Variants in PRICKLE1 observed in about 807,000 individuals in gnomAD.
PRICKLE1 encodes the protein prickle-like protein 1.
A neutral mutation model predicts 70.2 loss-of-function variants in PRICKLE1; 14 were observed. That is an observed-to-expected ratio of 0.20 (90% CI 0.13 to 0.31). The LOEUF (loss-of-function observed/expected upper bound fraction) is 0.31, where lower values mean the gene tolerates loss of function less well. PRICKLE1 is among the 10% of genes least tolerant of loss of function. PRICKLE1 has a pLI of 1.00. For synonymous variants in PRICKLE1, 357 were observed against 379.9 expected (o/e 0.94, Z 0.70); for missense variants, 821 against 1,026.2 (o/e 0.80, Z 2.73).
chr12:42,540,269 A>G (rs571044909), intron 1 of PRICKLE1, among the ~76,000 whole-genome samples: 32 of 152,352 alleles, frequency 2.1e-4, no homozygotes, highest in African/African-American at 6.7e-4. Flanking sequence ...TGATAGAAAG[A>G]TGGCTGCAGT....
intron 1 of PRICKLE1, among the ~76,000 whole-genome samples, chr12:42,560,027 GA>G (rs1940481680): frequency 6.6e-6 from 1 of 151,364 alleles, no homozygotes; most frequent in Non-Finnish European, 1.5e-5. Context: ...GGAAGGAAAA[GA>G]ACAGGAACCA....
At chr12:42,480,698 T>A (rs1938761777) in intron 1 of PRICKLE1, among the ~76,000 whole-genome samples, 1 of 152,218 alleles carries the variant, frequency 6.6e-6, no homozygotes, top group African/African-American at 2.4e-5. Context: ...TGTAAAGAGC[T>A]TAATAAGTCA....
chr12:42,567,492 T>C (rs2120735250), intron 1 of PRICKLE1, among the ~76,000 whole-genome samples: 1 of 152,308 alleles, frequency 6.6e-6, no homozygotes, highest in South Asian at 2.1e-4. Context: ...ATCTGTAGTA[T>C]AGGAGCAAAG....
chr12:42,469,575 G>C lies in PRICKLE1; in HGVS notation c.259C>G (p.Gln87Glu). ...TTTTTCTCCTCTTCACTCAAAGACT[G>C]GCAATACCGTACCTTCACAGAAAGC... ...PPHDNEVRYC[Q>E]SLSEEEKKEL... Residue 87 changes from glutamine to glutamate, a missense_variant, in exon 4 of 8, where the codon CAG (glutamine) becomes GAG (glutamate). Transcript: ENST00000345127. 6.2e-7 allele frequency: 1 copy of C among 1,614,028 alleles called. No homozygotes were observed. The highest frequency in any genetic ancestry group is 1.1e-5 in the South Asian group (1 of 91,076).
rs1937968804 is a variant in PRICKLE1 at position 42,464,010 on chromosome 12, C to A, written c.1639+385G>T. ...ATCCATGGTTTTGAATAACACACAA[C>A]TCCTACTCATGCTGAATTGCAATTT... On this transcript the variant is annotated intron_variant, in intron 7 of 7. Coordinates refer to ENST00000345127, the MANE Select transcript of PRICKLE1 (RefSeq NM_153026.3). The surrounding 1 kb of genome is among the most constrained non-coding windows in gnomAD (Gnocchi z 4.2). 6.6e-6 allele frequency among the ~76,000 whole-genome samples: 1 copy of A among 152,128 alleles called. No homozygotes were observed. The highest frequency in any genetic ancestry group is 2.1e-4 in the South Asian group (1 of 4,832).
chr12:42,477,482 G>GTGTGTATA (rs1350601331), intron 1 of PRICKLE1, among the ~76,000 whole-genome samples: 1 of 116,384 alleles, frequency 8.6e-6, no homozygotes, highest in Non-Finnish European at 1.8e-5. Context: ...GTGTGTGTGT[G>GTGTGTATA]TATATATATA....
intron 1 of PRICKLE1, among the ~76,000 whole-genome samples, chr12:42,534,509 A>G (rs1221996126): frequency 6.6e-6 from 1 of 152,232 alleles, no homozygotes; most frequent in South Asian, 2.1e-4. Flanking sequence ...GGTAAAATGC[A>G]TTAAGCACTT....
At chr12:42,559,135 T>C (rs1418170458) in intron 1 of PRICKLE1, among the ~76,000 whole-genome samples, 1 of 152,202 alleles carries the variant, frequency 6.6e-6, no homozygotes, top group Non-Finnish European at 1.5e-5. Context: ...TGCATCAGAA[T>C]TCCTACAAAG....
At chr12:42,543,879 G>A (rs963586679) in intron 1 of PRICKLE1, among the ~76,000 whole-genome samples, 2 of 152,122 alleles carry the variant, frequency 1.3e-5, no homozygotes, top group Admixed American at 6.6e-5. Flanking sequence ...CACTGATAAC[G>A]TAGTTGATTA....
chr12:42,572,161 C>T (rs1246129803), intron 1 of PRICKLE1, among the ~76,000 whole-genome samples: 3 of 152,054 alleles, frequency 2.0e-5, no homozygotes. Flanking sequence ...AGGCCGGGCG[C>T]GGTGGCTTAT....
At chr12:42,528,956 C>T (rs951390775) in intron 1 of PRICKLE1, among the ~76,000 whole-genome samples, 12 of 152,174 alleles carry the variant, frequency 7.9e-5, no homozygotes, top group Non-Finnish European at 1.6e-4. Flanking sequence ...AAAGATGACT[C>T]TTTGCCTCTA....
chr12:42,552,583 C>T (rs1182336546), intron 1 of PRICKLE1, among the ~76,000 whole-genome samples: 4 of 152,200 alleles, frequency 2.6e-5, no homozygotes, highest in African/African-American at 4.8e-5. Flanking sequence ...TCTCAGGAAT[C>T]ACCAATGGGG....
At chr12:42,471,589 A>G (rs1938324487) in intron 2 of PRICKLE1, among the ~76,000 whole-genome samples, 1 of 152,222 alleles carries the variant, frequency 6.6e-6, no homozygotes. Flanking sequence ...GTACTGTGCT[A>G]TGCCATGGAT....
intron 1 of PRICKLE1, chr12:42,482,747 G>C (rs1938840960): frequency 6.6e-6 from 1 of 152,312 alleles, no homozygotes; most frequent in African/African-American, 2.4e-5. Flanking sequence ...TTTAAAAATG[G>C]GGCTGGAGGA....
At chr12:42,482,951 C>T (rs1017857482) in intron 1 of PRICKLE1, 1 of 152,202 alleles carries the variant, frequency 6.6e-6, no homozygotes, top group African/African-American at 2.4e-5. Context: ...GCGGCCGCTG[C>T]TTAGGCCGCG....
At chr12:42,531,210 C>A (rs1405957195) in intron 1 of PRICKLE1, among the ~76,000 whole-genome samples, 1 of 151,876 alleles carries the variant, frequency 6.6e-6, no homozygotes, top group Non-Finnish European at 1.5e-5. Flanking sequence ...CCACGCCCAG[C>A]TAATTTTTTA....
At chr12:42,529,897 A>C (rs1475953380) in intron 1 of PRICKLE1, among the ~76,000 whole-genome samples, 1 of 152,016 alleles carries the variant, frequency 6.6e-6, no homozygotes, top group Non-Finnish European at 1.5e-5. Context: ...TCAAAAAAAA[A>C]GGAAAAAGGA....
chr12:42,527,718 T>A (rs1316474487), intron 1 of PRICKLE1, among the ~76,000 whole-genome samples: 1 of 151,838 alleles, frequency 6.6e-6, no homozygotes, highest in East Asian at 1.9e-4. Flanking sequence ...ATCTTCTAAA[T>A]CCCTCTGTGC....
chr12:42,515,012 C>A (rs1281470993), intron 1 of PRICKLE1, among the ~76,000 whole-genome samples: 1 of 151,980 alleles, frequency 6.6e-6, no homozygotes, highest in Non-Finnish European at 1.5e-5. Flanking sequence ...CTGCAACTTC[C>A]GCCTCCCAGG....
Sources: gnomAD v4.1 joint callset for allele counts (sites outside exome capture counted in the v4.1 genomes callset) on GRCh38, gnomAD v4.1.1 for gene constraint, Gnocchi (gnomAD v3.1) non-coding constraint, MANE v1.5 for transcripts, NCBI Gene and HGNC (gene_info 2026-07-23, HGNC 2026-07-21) for gene names.